Variants in WWOX observed in about 807,000 individuals in gnomAD.
The protein encoded by WWOX is WW domain containing oxidoreductase, also known as WW domain-containing oxidoreductase.
WWOX carries 69 observed loss-of-function variants against 46.2 expected under a neutral mutation model. The observed-to-expected ratio is 1.49, with a 90% CI of 1.23 to 1.82. The LOEUF (loss-of-function observed/expected upper bound fraction) is 1.82, where lower values mean the gene tolerates loss of function less well. Ranked by LOEUF, WWOX falls within the 40% of genes most tolerant of loss-of-function variation. The pLI is 0.00. For missense variants in WWOX, 919 were observed against 542.6 expected, an observed-to-expected ratio of 1.69 and a Z score of -6.89; for synonymous variants, 359 against 202.6, an observed-to-expected ratio of 1.77 and a Z score of -6.56.
intron 4 of WWOX, among the ~76,000 whole-genome samples, chr16:78,151,664 G>C (rs908314256): frequency 1.3e-5 from 2 of 152,002 alleles, no homozygotes; most frequent in African/African-American, 4.8e-5. Context: ...ATTCATAAAG[G>C]CCCATGAATT....
At chr16:78,549,313 C>T (rs184766151) in intron 8 of WWOX, among the ~76,000 whole-genome samples, 9 of 152,288 alleles carry the variant, frequency 5.9e-5, no homozygotes, top group African/African-American at 1.4e-4. Flanking sequence ...TTCTGGGGAG[C>T]GTTCAACCTG....
Position 78,783,774 on chromosome 16 carries a change from T to C in WWOX, c.1056+351022T>C, listed in dbSNP as rs151183152. ...GGTGATGATGGTAGTATGATAATGC[T>C]GATGGTGGTGATGGTGATAGGAGGG... is the stretch of plus-strand genomic sequence containing the variant. On this transcript the variant is annotated intron_variant, in intron 8 of 8. Transcript: ENST00000566780. 1.5e-3 allele frequency among the ~76,000 whole-genome samples: 225 copies of C among 152,014 alleles called. 1 individual carries two copies. Among genetic ancestry groups the C allele is most frequent in the African/African-American group, 5.1e-3 (210 of 41,448 alleles).
At chr16:78,729,123 A>G (rs1294134222) in intron 8 of WWOX, among the ~76,000 whole-genome samples, 1 of 152,016 alleles carries the variant, frequency 6.6e-6, no homozygotes, top group Non-Finnish European at 1.5e-5. Flanking sequence ...CAGGCGGATC[A>G]CTTGAGCTCA....
intron 8 of WWOX, among the ~76,000 whole-genome samples, chr16:78,946,848 T>C (rs888908794): frequency 6.6e-6 from 1 of 151,924 alleles, no homozygotes; most frequent in Admixed American, 6.6e-5. Context: ...GGCGTCACGG[T>C]GTAAGAATGG....
intron 5 of WWOX, among the ~76,000 whole-genome samples, chr16:78,226,531 C>G (rs1355836346): frequency 3.0e-5 from 4 of 131,464 alleles, no homozygotes. Flanking sequence ...CTCTCCTTCT[C>G]CTCCTCCTCC....
intron 5 of WWOX, among the ~76,000 whole-genome samples, chr16:78,315,860 A>G (rs2080347017): frequency 6.6e-6 from 1 of 152,054 alleles, no homozygotes; most frequent in Admixed American, 6.6e-5. Context: ...AATCACCAAA[A>G]ATTCCCAGCC....
At chr16:78,868,668 G>A (rs1408200311) in intron 8 of WWOX, among the ~76,000 whole-genome samples, 3 of 152,126 alleles carry the variant, frequency 2.0e-5, no homozygotes, top group Non-Finnish European at 4.4e-5. Flanking sequence ...CAACAGTTTA[G>A]CAAGAGTCAC....
At chr16:79,100,333 T>G (rs1453090164) in intron 8 of WWOX, among the ~76,000 whole-genome samples, 1 of 152,204 alleles carries the variant, frequency 6.6e-6, no homozygotes, top group African/African-American at 2.4e-5. Context: ...AAACATAAGA[T>G]TATTTTTAAA....
At chr16:78,353,493 C>T (rs781469031) in intron 5 of WWOX, among the ~76,000 whole-genome samples, 1 of 152,208 alleles carries the variant, frequency 6.6e-6, no homozygotes, top group Non-Finnish European at 1.5e-5. Context: ...TACGTAGCAC[C>T]TTTCTGTCCC....
Position 79,059,244 on chromosome 16 carries a change from T to C in WWOX, c.1057-152364T>C, listed in dbSNP as rs192544397. On this transcript the variant is annotated intron_variant, in intron 8 of 8. Coordinates refer to ENST00000566780, the MANE Select transcript of WWOX (RefSeq NM_016373.4). ...ATTACAGTTTGTTGTCATCCTGAAA[T>C]GCTCTGTTTAACCATAAAATACAGC... 3.5e-4 allele frequency among the ~76,000 whole-genome samples: 54 copies of C among 152,336 alleles called. 1 individual carries two copies. In the East Asian group the frequency reaches 9.7e-3, roughly 27 times the overall value.
intron 8 of WWOX, among the ~76,000 whole-genome samples, chr16:78,741,403 A>T (rs953486077): frequency 6.6e-6 from 1 of 152,104 alleles, no homozygotes; most frequent in Admixed American, 6.5e-5. Flanking sequence ...TCTACTAATA[A>T]TACAAAAAAT....
intron 8 of WWOX, among the ~76,000 whole-genome samples, chr16:79,068,628 C>G (rs943705396): frequency 2.6e-5 from 4 of 151,386 alleles, no homozygotes; most frequent in Non-Finnish European, 5.9e-5. Flanking sequence ...GGTGAGACCC[C>G]CATCTCTACA....
intron 8 of WWOX, among the ~76,000 whole-genome samples, chr16:78,685,337 C>G (rs1002013766): frequency 2.6e-5 from 4 of 152,086 alleles, no homozygotes. Flanking sequence ...AACTTTCATT[C>G]TGTGATTTTT....
At chr16:79,048,161 T>C (rs999561559) in intron 8 of WWOX, among the ~76,000 whole-genome samples, 3 of 152,164 alleles carry the variant, frequency 2.0e-5, no homozygotes, top group East Asian at 1.9e-4. Flanking sequence ...AGAAGCTTCC[T>C]TCAAAAAGCT....
At chr16:78,878,124 C>G (rs780522448) in intron 8 of WWOX, among the ~76,000 whole-genome samples, 1 of 152,194 alleles carries the variant, frequency 6.6e-6, no homozygotes, top group African/African-American at 2.4e-5. Context: ...GTTCGGAATA[C>G]AACTGCCCTG....
chr16:79,103,215 G>T (rs891504277), intron 8 of WWOX, among the ~76,000 whole-genome samples: 10 of 152,216 alleles, frequency 6.6e-5, no homozygotes, highest in African/African-American at 2.4e-4. Context: ...ATTGACTGCA[G>T]TGTTGCCGAA....
intron 8 of WWOX, among the ~76,000 whole-genome samples, chr16:78,584,466 A>G (rs1220385396): frequency 6.6e-6 from 1 of 152,164 alleles, no homozygotes; most frequent in Non-Finnish European, 1.5e-5. Context: ...AGTAATTCCC[A>G]TGTGCTGAGT....
At chr16:78,113,883 A>G (rs1172411148) in intron 3 of WWOX, among the ~76,000 whole-genome samples, 2 of 152,142 alleles carry the variant, frequency 1.3e-5, no homozygotes, top group Admixed American at 1.3e-4. Context: ...ATTACTCTTG[A>G]GTCTTGGTAC....
intron 8 of WWOX, among the ~76,000 whole-genome samples, chr16:78,559,555 C>G (rs896496498): frequency 6.6e-6 from 1 of 152,166 alleles, no homozygotes; most frequent in Non-Finnish European, 1.5e-5. Flanking sequence ...TCTTATTAAA[C>G]GTGCTGGAAA....
Sources: allele counts gnomAD v4.1 joint callset (sites outside exome capture counted in the v4.1 genomes callset), GRCh38; gene constraint gnomAD v4.1.1; transcripts MANE v1.5; gene names NCBI Gene and HGNC (gene_info 2026-07-23, HGNC 2026-07-21).